ANGPT1: variants seen among roughly 807,000 people sequenced by gnomAD.
ANGPT1 encodes the protein angiopoietin 1.
In ANGPT1, 17 loss-of-function variants were observed where a neutral mutation model predicts 62.2. The observed-to-expected ratio is 0.27, with a 90% CI of 0.19 to 0.41. The LOEUF is 0.41. Among genes scored for constraint, ANGPT1 ranks in the 10% least tolerant of loss-of-function variants. The pLI is 1.00. For missense variants in ANGPT1, 478 were observed against 594.9 expected, an observed-to-expected ratio of 0.80 and a Z score of 2.04; for synonymous variants, 199 against 198.9, an observed-to-expected ratio of 1.00 and a Z score of 0.00.
chr8:107,405,716 A>G (rs974235947), intron 1 of ANGPT1, among the ~76,000 whole-genome samples: 5 of 152,000 alleles, frequency 3.3e-5, no homozygotes, highest in African/African-American at 1.2e-4. Flanking sequence ...GATAAGAGAT[A>G]TTCAACTTGT....
At chr8:107,350,471 G>T (rs1045986126) in intron 1 of ANGPT1, among the ~76,000 whole-genome samples, 3 of 152,034 alleles carry the variant, frequency 2.0e-5, no homozygotes, top group Non-Finnish European at 4.4e-5. Flanking sequence ...GCTACATCAA[G>T]GTTCAGTGTC....
At chr8:107,432,925 C>T (rs994901047) in intron 1 of ANGPT1, among the ~76,000 whole-genome samples, 3 of 152,012 alleles carry the variant, frequency 2.0e-5, no homozygotes, top group African/African-American at 7.2e-5. Flanking sequence ...ACATTTATTT[C>T]TGTAGGCATT....
chr8:107,333,618 C>T (rs1586232550), intron 3 of ANGPT1, among the ~76,000 whole-genome samples: 1 of 152,004 alleles, frequency 6.6e-6, no homozygotes, highest in African/African-American at 2.4e-5. Context: ...AGTTCATCAG[C>T]AGAAGGCACA....
intron 1 of ANGPT1, among the ~76,000 whole-genome samples, chr8:107,380,079 C>T (rs756518711): frequency 1.5e-4 from 23 of 151,950 alleles, no homozygotes; most frequent in Non-Finnish European, 2.8e-4. Context: ...GATACTACAG[C>T]CCCGGGATAG....
At chr8:107,428,473 T>G (rs2130396994) in intron 1 of ANGPT1, among the ~76,000 whole-genome samples, 1 of 152,322 alleles carries the variant, frequency 6.6e-6, no homozygotes, top group Middle Eastern at 3.4e-3. Context: ...AGAATGATGC[T>G]ATTTTCAAGT....
chr8:107,383,990 T>G (rs1816687057), intron 1 of ANGPT1, among the ~76,000 whole-genome samples: 1 of 152,134 alleles, frequency 6.6e-6, no homozygotes, highest in Non-Finnish European at 1.5e-5. Flanking sequence ...CTAAACTTAC[T>G]CTTAAAAATA....
At chr8:107,259,070 A>G (rs1171477584) in intron 8 of ANGPT1, among the ~76,000 whole-genome samples, 8 of 152,182 alleles carry the variant, frequency 5.3e-5, no homozygotes, top group African/African-American at 1.9e-4. Flanking sequence ...GAATAGGCTT[A>G]CGTTTTATGT....
intron 1 of ANGPT1, among the ~76,000 whole-genome samples, chr8:107,459,723 A>AT (rs5893867): frequency 0.097 from 14,754 of 152,190 alleles, 770 homozygotes; most frequent in South Asian, 0.14. Flanking sequence ...AAAATAAGTT[A>AT]TTTTTTGTAT....
At chr8:107,299,315 G>C (rs960845754) in intron 5 of ANGPT1, among the ~76,000 whole-genome samples, 1 of 147,794 alleles carries the variant, frequency 6.8e-6, no homozygotes, top group Non-Finnish European at 1.5e-5. Flanking sequence ...TTTGTATGGG[G>C]CAGGTTAACT....
chr8:107,360,660 T>C (rs1378155088), intron 1 of ANGPT1, among the ~76,000 whole-genome samples: 1 of 152,224 alleles, frequency 6.6e-6, no homozygotes, highest in Non-Finnish European at 1.5e-5. Flanking sequence ...CTGGCCCTTT[T>C]AGCTATTAAG....
intron 1 of ANGPT1, among the ~76,000 whole-genome samples, chr8:107,496,808 A>C (rs1459548242): frequency 6.6e-6 from 1 of 152,160 alleles, no homozygotes; most frequent in Non-Finnish European, 1.5e-5. Flanking sequence ...ATTTTTATAA[A>C]GGTTAAAAAA....
At chr8:107,260,056 T>A (rs1813456625) in intron 8 of ANGPT1, among the ~76,000 whole-genome samples, 1 of 152,182 alleles carries the variant, frequency 6.6e-6, no homozygotes, top group African/African-American at 2.4e-5. Flanking sequence ...CTTGCTCATT[T>A]GTTTAATAGT....
chr8:107,425,568 C>T (rs1400973986), intron 1 of ANGPT1, among the ~76,000 whole-genome samples: 1 of 152,088 alleles, frequency 6.6e-6, no homozygotes, highest in Non-Finnish European at 1.5e-5. Flanking sequence ...ATCCTTTATC[C>T]CCATTATCCT....
chr8:107,382,339 T>C (rs2130278208), intron 1 of ANGPT1, among the ~76,000 whole-genome samples: 1 of 152,270 alleles, frequency 6.6e-6, no homozygotes, highest in Non-Finnish European at 1.5e-5. Flanking sequence ...ATATTTTAGA[T>C]ACATCACATA....
At chr8:107,413,342 C>A (rs1464503506) in intron 1 of ANGPT1, among the ~76,000 whole-genome samples, 1 of 152,092 alleles carries the variant, frequency 6.6e-6, no homozygotes, top group East Asian at 1.9e-4. Flanking sequence ...TGCTCCCCAG[C>A]CTTCCTGCCT....
chr8:107,289,611 A>T (rs1042509149), intron 6 of ANGPT1, among the ~76,000 whole-genome samples: 23 of 152,168 alleles, frequency 1.5e-4, no homozygotes, highest in Non-Finnish European at 3.1e-4. Flanking sequence ...GTATTTCAAA[A>T]TTTTTAATTT....
chr8:107,324,100 T>G (rs532276715), intron 3 of ANGPT1, among the ~76,000 whole-genome samples: 1 of 150,520 alleles, frequency 6.6e-6, no homozygotes, highest in African/African-American at 2.5e-5. Flanking sequence ...CTGTTTTAAG[T>G]GGTTGTTACG....
chr8:107,402,010 G>A (rs568978453), intron 1 of ANGPT1, among the ~76,000 whole-genome samples: 1 of 152,064 alleles, frequency 6.6e-6, no homozygotes, highest in Non-Finnish European at 1.5e-5. Flanking sequence ...GCCACCTCCA[G>A]GATTTAAAAA....
chr8:107,328,156 T>G (rs968834942), intron 3 of ANGPT1, among the ~76,000 whole-genome samples: 14 of 152,100 alleles, frequency 9.2e-5, no homozygotes, highest in Admixed American at 2.6e-4. Flanking sequence ...TCTGAATCTA[T>G]TTACAGATGT....
Sources: allele counts gnomAD v4.1 joint callset (sites outside exome capture counted in the v4.1 genomes callset), GRCh38; gene constraint gnomAD v4.1.1; transcripts MANE v1.5; gene names NCBI Gene and HGNC (gene_info 2026-07-23, HGNC 2026-07-21).